The following RFX7 variants were observed in gnomAD, a reference collection of about 807,000 sequenced individuals.
RFX7 encodes regulatory factor X7.
A neutral mutation model predicts 111.8 loss-of-function variants in RFX7; 26 were observed. The ratio of observed to expected loss-of-function variants is 0.23; its 90% CI spans 0.17 to 0.32. RFX7 has a LOEUF of 0.32. Ranked by LOEUF, RFX7 falls within the 10% of genes least tolerant of loss-of-function variation. RFX7 has a pLI of 1.00. For missense variants in RFX7, 1,573 were observed against 1,772.9 expected (o/e 0.89, Z 2.02); for synonymous variants, 624 against 624.4 (o/e 1.00, Z 0.01).
chr15:56,116,709 C>G (rs1457499342), intron 5 of RFX7, among the ~76,000 whole-genome samples: 1 of 151,974 alleles, frequency 6.6e-6, no homozygotes, highest in African/African-American at 2.4e-5. Context: ...GTTAAAACTA[C>G]AATGGAAAAA....
intron 3 of RFX7, among the ~76,000 whole-genome samples, chr15:56,151,247 C>T (rs1226136894): frequency 6.6e-6 from 1 of 152,104 alleles, no homozygotes; most frequent in Non-Finnish European, 1.5e-5. Context: ...AACCCCAAGA[C>T]ACATAATCGT....
At chr15:56,109,680 G>T (rs190337649) in intron 5 of RFX7, among the ~76,000 whole-genome samples, 2,082 of 151,780 alleles carry the variant, frequency 0.014, 20 homozygotes, top group Middle Eastern at 0.034. Context: ...GAGATGCGGG[G>T]AGCGCCTCTG....
intron 5 of RFX7, among the ~76,000 whole-genome samples, chr15:56,116,444 C>A (rs572836814): frequency 1.6e-4 from 24 of 152,306 alleles, no homozygotes; most frequent in Non-Finnish European, 2.6e-4. Context: ...GAACAGTGAT[C>A]AGCCCTCAAT....
intron 2 of RFX7, among the ~76,000 whole-genome samples, chr15:56,206,784 A>C (rs539520520): frequency 6.6e-6 from 1 of 151,974 alleles, no homozygotes; most frequent in African/African-American, 2.4e-5. Flanking sequence ...TTACTTGTGG[A>C]AGGTAAAAAT....
At chr15:56,244,780 C>T (rs1349044325), upstream of RFX7, among the ~76,000 whole-genome samples, 1 of 152,050 alleles carries the variant, frequency 6.6e-6, no homozygotes, top group African/African-American at 2.4e-5. Flanking sequence ...CTTTGGAGCC[C>T]GTTGAACACC....
At chr15:56,197,672 G>GA (rs1180028293) in intron 2 of RFX7, among the ~76,000 whole-genome samples, 3 of 152,270 alleles carry the variant, frequency 2.0e-5, no homozygotes, top group Non-Finnish European at 2.9e-5. Context: ...AAGGATGGAA[G>GA]AAAGAGAAGG....
intron 2 of RFX7, among the ~76,000 whole-genome samples, chr15:56,219,357 T>C (rs555389927): frequency 7.9e-5 from 12 of 152,342 alleles, no homozygotes; most frequent in African/African-American, 2.9e-4. Context: ...TCCTTTTATA[T>C]TTATTGTAAA....
intron 3 of RFX7, among the ~76,000 whole-genome samples, chr15:56,149,611 T>A (rs767208446): frequency 6.6e-6 from 1 of 152,086 alleles, no homozygotes. Flanking sequence ...TCGGGGAATT[T>A]TCCCCCCTAC....
At chr15:56,179,500 A>G (rs1433165151) in intron 2 of RFX7, among the ~76,000 whole-genome samples, 197 bp from the exon 3 acceptor site, 1 of 152,130 alleles carries the variant, frequency 6.6e-6, no homozygotes, top group Admixed American at 6.6e-5. Flanking sequence ...TTACTGTACT[A>G]AATTTAATCT....
intron 2 of RFX7, among the ~76,000 whole-genome samples, chr15:56,190,429 T>G (rs562402122): frequency 1.5e-3 from 234 of 152,298 alleles, no homozygotes; most frequent in Admixed American, 4.8e-3. Flanking sequence ...CTAATCAACA[T>G]GGGGATATTA....
chr15:56,185,215 G>A (rs766711006), intron 2 of RFX7, among the ~76,000 whole-genome samples: 10 of 152,058 alleles, frequency 6.6e-5, no homozygotes, highest in Admixed American at 6.6e-4. Context: ...TGATGTCCAT[G>A]TATATGTATG....
chr15:56,205,360 C>T (rs1350871345), intron 2 of RFX7, among the ~76,000 whole-genome samples: 1 of 152,162 alleles, frequency 6.6e-6, no homozygotes, highest in Non-Finnish European at 1.5e-5. Flanking sequence ...ATTTCCTTTC[C>T]ATGAAATGCC....
chr15:56,133,718 T>A (rs2042248830), intron 5 of RFX7, among the ~76,000 whole-genome samples: 1 of 152,192 alleles, frequency 6.6e-6, no homozygotes, highest in East Asian at 1.9e-4. Flanking sequence ...AACTTTTAAC[T>A]GTTTTCTAAT....
In RFX7 at chr15:56,205,067, G is replaced by A. The variant is rs905365928; in HGVS notation, c.162-25764C>T. 5.3e-5 allele frequency among the ~76,000 whole-genome samples: 8 copies of A among 152,168 alleles called. No homozygotes were observed. The South Asian group carries it at 1.2e-3, about 24-fold the overall frequency. ...AAAGAAGAGTTTTCTATGGCTTGTG[G>A]AGAGCATTTCAAAAATTTAAGACAA... On this transcript the variant is annotated intron_variant, in intron 2 of 9. Coordinates refer to ENST00000559447, the MANE Select transcript of RFX7 (RefSeq NM_022841.7).
chr15:56,095,789 T>C lies in RFX7; in HGVS notation c.1939A>G (p.Lys647Glu). 6.2e-7 allele frequency: 1 copy of C among 1,613,244 alleles called. No homozygotes were observed. Residue 647 changes from lysine to glutamate, a missense_variant, in exon 10 of 10, where the codon AAA (lysine) becomes GAA (glutamate). Physicochemically the swap from Lys to Glu is moderately conservative, Grantham distance 56. Transcript: ENST00000559447. ...SSPPNGDSIN[K>E]DPKLCTKSPR... is the part of the protein sequence containing the mutation. The stretch of plus-strand genomic sequence containing the variant: ...CTTTTAGTGCATAATTTAGGGTCTT[T>C]ATTGATTGAGTCACCATTAGGTGGT...
At chr15:56,219,288 T>A (rs1311102177) in intron 2 of RFX7, among the ~76,000 whole-genome samples, 3 of 152,228 alleles carry the variant, frequency 2.0e-5, no homozygotes, top group African/African-American at 7.2e-5. Context: ...TTGTCTGGTA[T>A]TAATAGAGCC....
At chr15:56,103,723 C>G in intron 5 of RFX7, 53 bp from the exon 6 acceptor site, 2 of 1,078,058 alleles carry the variant, frequency 1.9e-6, no homozygotes, top group Non-Finnish European at 2.7e-6. Context: ...AATTATATCG[C>G]AGGGTGCTAT....
chr15:56,182,959 A>G (rs573706315), intron 2 of RFX7, among the ~76,000 whole-genome samples: 35 of 152,300 alleles, frequency 2.3e-4, no homozygotes, highest in African/African-American at 7.9e-4. Flanking sequence ...TTAGCAGTAT[A>G]TGATAGTTCC....
intron 2 of RFX7, among the ~76,000 whole-genome samples, chr15:56,203,248 T>G (rs2141185417): frequency 6.6e-6 from 1 of 152,290 alleles, no homozygotes; most frequent in East Asian, 1.9e-4. Flanking sequence ...TAGTACAGAT[T>G]AGTGACATAT....
Sources: gnomAD v4.1 joint callset for allele counts (sites outside exome capture counted in the v4.1 genomes callset) on GRCh38, gnomAD v4.1.1 for gene constraint, MANE v1.5 for transcripts, NCBI Gene and HGNC (gene_info 2026-07-23, HGNC 2026-07-21) for gene names.